The following FAM220A variants were observed in gnomAD, a reference collection of about 807,000 sequenced individuals.
The protein encoded by FAM220A is protein FAM220A.
For missense variants in FAM220A, 392 were observed against 321.6 expected, an observed-to-expected ratio of 1.22 and a Z score of -1.68; for synonymous variants, 141 against 130.7, an observed-to-expected ratio of 1.08 and a Z score of -0.54.
chr7:6,329,542 T>C lies in FAM220A; in HGVS notation c.*833A>G, dbSNP rs574417724. ...TATATGCAATCGATAATCCCGAAAA[T>C]GTTTAAGTTTCACTTTGGGAGTCTT... On this transcript the variant is annotated 3_prime_UTR_variant, in exon 2 of 2. Transcript: ENST00000313324. The C allele has an allele frequency of 4.6e-5, 7 of 153,514 alleles. No individual in the cohort carries two copies. In the South Asian group the frequency reaches 1.2e-3, roughly 27 times the overall value. The allele number at this position is 153,514 out of a possible 1,614,324, so 9.5% of individuals were successfully genotyped here. A position where few individuals can be genotyped will look rare whatever the true frequency, so the allele number is the denominator to read the frequency against.
rs980077746 is a variant in FAM220A at position 6,348,938 on chromosome 7, G to A, written c.-447C>T. 3 of 381,910 alleles carry A rather than the reference G, an allele frequency of 7.9e-6. No homozygotes were observed. Among genetic ancestry groups the A allele is most frequent in the African/African-American group, 6.3e-5 (3 of 47,726 alleles). 23.7% of individuals were successfully genotyped at this position (381,910 alleles called of 1,614,324 possible). On this transcript the variant is annotated 5_prime_UTR_variant, in exon 1 of 2. Coordinates refer to ENST00000313324, the MANE Select transcript of FAM220A (RefSeq NM_001037163.2). ...GCTCGGAGAAGTGCCTCCGCGAGCA[G>A]CCGCCTGTACCAGCCTGGCCGCGCA...
At chr7:6,337,375 G>A (rs1050883175) in intron 1 of FAM220A, among the ~76,000 whole-genome samples, 2 of 152,142 alleles carry the variant, frequency 1.3e-5, no homozygotes, top group Non-Finnish European at 2.9e-5. Flanking sequence ...ACCCGCCTCA[G>A]CCTCCCAAAG....
At chr7:6,340,702 A>G (rs1251229837) in intron 1 of FAM220A, among the ~76,000 whole-genome samples, 1 of 151,890 alleles carries the variant, frequency 6.6e-6, no homozygotes, top group African/African-American at 2.4e-5. Context: ...GATCGAGACC[A>G]TCCTGGCTAA....
rs561443454 is a variant in FAM220A, at chr7:6,348,726, C to G, written c.-235G>C. 7 of 417,802 alleles carry G rather than the reference C, an allele frequency of 1.7e-5. No individual in the cohort carries two copies. In the Admixed American group the frequency reaches 2.1e-4, roughly 13 times the overall value. 25.9% of individuals were successfully genotyped at this position (417,802 alleles called of 1,614,324 possible). ...AGCGGGCGGCGGCCGAGCGCGAGAG[C>G]CGGACAGCCAGGCCCGACAGAGCCG... On this transcript the variant is annotated 5_prime_UTR_variant, in exon 1 of 2. Coordinates refer to ENST00000313324, the MANE Select transcript of FAM220A (RefSeq NM_001037163.2).
chr7:6,330,661 C>T lies in FAM220A; in HGVS notation c.494G>A (p.Gly165Glu), dbSNP rs778044292. The T allele has an allele frequency of 5.0e-6, 8 of 1,614,128 alleles. No homozygotes were observed. In the Admixed American group the frequency reaches 1.0e-4, roughly 20 times the overall value. The change falls in exon 2 of 2, where the codon GGA (glycine) becomes GAA (glutamate). Residue 165 changes from glycine to glutamate, a missense_variant. Physicochemically the swap from Gly to Glu is moderately conservative, Grantham distance 98 (BLOSUM62 -2). Coordinates refer to ENST00000313324, the MANE Select transcript of FAM220A (RefSeq NM_001037163.2). Reference protein sequence around the residue: ...LPRHQKVPEMGSFQDDPPSAF... With the variant: ...LPRHQKVPEMESFQDDPPSAF... ...ACTTGGTGGGTCATCCTGAAAACTT[C>T]CCATTTCCGGCACTTTTTGATGGCG...
At chr7:6,334,075 T>C (rs1781699035) in intron 1 of FAM220A, among the ~76,000 whole-genome samples, 1 of 151,312 alleles carries the variant, frequency 6.6e-6, no homozygotes. Flanking sequence ...ATCTATCTCC[T>C]GACCTCGTGA....
At chr7:6,335,075 T>C (rs1781717391) in intron 1 of FAM220A, among the ~76,000 whole-genome samples, 1 of 149,948 alleles carries the variant, frequency 6.7e-6, no homozygotes, top group African/African-American at 2.5e-5. Flanking sequence ...CCAGTGGTTA[T>C]TTTTTGAGAC....
At chr7:6,336,682 CAAAAA>C (rs35524069) in intron 1 of FAM220A, among the ~76,000 whole-genome samples, 1 of 122,950 alleles carries the variant, frequency 8.1e-6, no homozygotes, top group Non-Finnish European at 1.8e-5. Flanking sequence ...AGACTTTGTC[CAAAAA>C]AAAAAAAAAA....
chr7:6,340,987 T>TAAAA (rs1781842691), intron 1 of FAM220A, among the ~76,000 whole-genome samples: 1 of 48,152 alleles, frequency 2.1e-5, no homozygotes, highest in African/African-American at 1.1e-4. Context: ...AAAAAAAAAT[T>TAAAA]CAAAAAATTA....
chr7:6,340,068 A>T (rs1388066462), intron 1 of FAM220A, among the ~76,000 whole-genome samples: 2 of 151,796 alleles, frequency 1.3e-5, no homozygotes, highest in Non-Finnish European at 2.9e-5. Flanking sequence ...TATTTTTAGT[A>T]GAGATGGGGT....
chr7:6,334,443 G>A (rs1479555776), intron 1 of FAM220A, among the ~76,000 whole-genome samples: 2 of 151,848 alleles, frequency 1.3e-5, no homozygotes, highest in Non-Finnish European at 2.9e-5. Flanking sequence ...GGGTGAGGCA[G>A]GAGAACAGCT....
chr7:6,338,224 T>C (rs965975930), intron 1 of FAM220A, among the ~76,000 whole-genome samples: 3 of 152,210 alleles, frequency 2.0e-5, no homozygotes, highest in Admixed American at 6.6e-5. Context: ...AACTTCTAAA[T>C]AATTTCTAGG....
intron 1 of FAM220A, among the ~76,000 whole-genome samples, chr7:6,339,285 C>T (rs142002143): frequency 4.3e-4 from 66 of 152,064 alleles, no homozygotes; most frequent in African/African-American, 1.6e-3. Flanking sequence ...CTGAGCAACA[C>T]AGCAAGACCC....
At chr7:6,331,329 A>C (rs1360828622) in intron 1 of FAM220A, 94 bp from the exon 2 acceptor site, 13 of 661,642 alleles carry the variant, frequency 2.0e-5, no homozygotes, top group Non-Finnish European at 1.0e-5. Flanking sequence ...AAACACTGAG[A>C]TCTTTATGAC....
intron 1 of FAM220A, among the ~76,000 whole-genome samples, chr7:6,347,914 T>TTATTA (rs1192179637): frequency 2.7e-5 from 4 of 147,016 alleles, no homozygotes; most frequent in African/African-American, 4.9e-5. Context: ...ATTATTATTA[T>TTATTA]TATTATTATT....
intron 1 of FAM220A, among the ~76,000 whole-genome samples, chr7:6,340,590 G>A (rs529866303): frequency 1.3e-5 from 2 of 152,184 alleles, no homozygotes; most frequent in Admixed American, 6.6e-5. Flanking sequence ...TCGAAGGAGG[G>A]CAGGTTGACA....
At position 6,330,939 on chromosome 7, in the gene FAM220A, A is replaced by T. The variant is rs61996356; in HGVS notation, c.216T>A (p.Ala72=). 6.2e-7 allele frequency: 1 copy of T among 1,614,246 alleles called. No homozygotes were observed. The highest frequency in any genetic ancestry group is 1.7e-5 in the Admixed American group (1 of 60,020). ...SLEMRKDPSG[A]GLWLHSGGPV... ...GGCCGCCACTGTGAAGCCAGAGGCC[A>T]GCCCCGCTCGGATCCTTTCTCATTT... Residue 72 remains alanine, a synonymous_variant, in exon 2 of 2, where the codon GCT becomes GCA. Transcript: ENST00000313324.
At chr7:6,348,005 G>A (rs1181359094) in intron 1 of FAM220A, among the ~76,000 whole-genome samples, 1 of 151,352 alleles carries the variant, frequency 6.6e-6, no homozygotes, top group Non-Finnish European at 1.5e-5. Flanking sequence ...GCGCCTCCCA[G>A]GTTCCAGCGA....
At chr7:6,337,539 T>C (rs944731808) in intron 1 of FAM220A, among the ~76,000 whole-genome samples, 3 of 151,780 alleles carry the variant, frequency 2.0e-5, no homozygotes, top group Non-Finnish European at 4.4e-5. Flanking sequence ...TTCAGAAAGG[T>C]GAAACATTTC....
Sources: allele counts gnomAD v4.1 joint callset (sites outside exome capture counted in the v4.1 genomes callset), GRCh38; gene constraint gnomAD v4.1.1; transcripts MANE v1.5; gene names NCBI Gene and HGNC (gene_info 2026-07-23, HGNC 2026-07-21).